Variants in PRH1 observed in about 807,000 individuals in gnomAD.
PRH1 encodes salivary acidic proline-rich phosphoprotein 1/2.
In PRH1, 7 loss-of-function variants were observed where a neutral mutation model predicts 7.9. The ratio of observed to expected loss-of-function variants is 0.89; its 90% CI spans 0.50 to 1.67. PRH1 has a LOEUF of 1.67. PRH1 is among the 40% of genes most tolerant of loss of function. PRH1 has a pLI of 0.00. For missense variants in PRH1, 109 were observed against 223.6 expected (o/e 0.49, Z 3.27); for synonymous variants, 45 against 80.8 (o/e 0.56, Z 2.38).
intron 1 of PRH1, among the ~76,000 whole-genome samples, chr12:11,099,581 C>T: frequency 6.6e-6 from 1 of 152,068 alleles, no homozygotes; most frequent in East Asian, 1.9e-4. Context: ...CCTGTAGTCC[C>T]ATCTACTCAG....
chr12:11,126,778 T>G, intron 1 of PRH1, among the ~76,000 whole-genome samples: 1 of 152,330 alleles, frequency 6.6e-6, no homozygotes, highest in East Asian at 1.9e-4. Context: ...ATATGATTAG[T>G]TAACAGTATA....
chr12:11,079,932 T>G (rs1273695432), intron 1 of PRH1, among the ~76,000 whole-genome samples: 1 of 123,722 alleles, frequency 8.1e-6, no homozygotes, highest in African/African-American at 2.8e-5. Flanking sequence ...AATTTTTATA[T>G]TATAACTAGA....
intron 1 of PRH1, among the ~76,000 whole-genome samples, chr12:10,994,364 T>C (rs1281520950): frequency 6.6e-6 from 1 of 152,210 alleles, no homozygotes; most frequent in Non-Finnish European, 1.5e-5. Flanking sequence ...TGAGCAGATA[T>C]ATTCTCCGTC....
chr12:10,948,989 C>T (rs1458531069), intron 2 of PRH1, among the ~76,000 whole-genome samples: 2 of 152,248 alleles, frequency 1.3e-5, no homozygotes, highest in Non-Finnish European at 2.9e-5. Flanking sequence ...CCCTATGTTT[C>T]CTCACAGTTG....
intron 1 of PRH1, among the ~76,000 whole-genome samples, chr12:11,080,026 A>T (rs1268641459): frequency 7.5e-6 from 1 of 134,068 alleles, no homozygotes; most frequent in Non-Finnish European, 1.7e-5. Context: ...ATGTAGGGCA[A>T]GACATGGAAC....
intron 1 of PRH1, among the ~76,000 whole-genome samples, chr12:10,992,925 T>G (rs1228446979): frequency 6.6e-6 from 1 of 152,212 alleles, no homozygotes; most frequent in Non-Finnish European, 1.5e-5. Context: ...TCGGTAATTC[T>G]CCTCTTCTGG....
intron 1 of PRH1, among the ~76,000 whole-genome samples, chr12:11,107,228 C>T (rs904882479): frequency 2.0e-5 from 3 of 152,140 alleles, no homozygotes; most frequent in Admixed American, 6.5e-5. Context: ...TCTTCAACTC[C>T]TGTTCTCAAG....
chr12:10,965,242 C>T (rs1938445655), intron 2 of PRH1: 1 of 1,478,264 alleles, frequency 6.8e-7, no homozygotes, highest in Admixed American at 1.8e-5. Context: ...TCTTTTGTCT[C>T]TTGACCCACT....
At chr12:11,056,767 G>A (rs946178374) in intron 1 of PRH1, among the ~76,000 whole-genome samples, 2 of 152,006 alleles carry the variant, frequency 1.3e-5, no homozygotes, top group South Asian at 2.1e-4. Context: ...GTAGTTAGTC[G>A]AGATCACACC....
At chr12:10,882,887 TTTC>T (rs1288791293) in intron 2 of PRH1, among the ~76,000 whole-genome samples, 171 bp downstream of exon 2, 1 of 152,142 alleles carries the variant, frequency 6.6e-6, no homozygotes, top group African/African-American at 2.4e-5. Flanking sequence ...AAAAATTGAA[TTTC>T]TTTACTCATG....
intron 2 of PRH1, among the ~76,000 whole-genome samples, chr12:10,922,367 G>A (rs909790446): frequency 2.0e-5 from 3 of 152,052 alleles, no homozygotes; most frequent in African/African-American, 4.8e-5. Flanking sequence ...AAGCTTTTTC[G>A]TTGCTGAGTT....
chr12:11,054,723 T>C (rs1417905332), intron 1 of PRH1, among the ~76,000 whole-genome samples: 1 of 151,894 alleles, frequency 6.6e-6, no homozygotes, highest in African/African-American at 2.4e-5. Context: ...TGAAATGTTA[T>C]CATAAATAAT....
Position 11,096,761 on chromosome 12 carries a change from C to A in PRH1, n.124-49573G>T, listed in dbSNP as rs1945077610. Reference sequence around the variant, plus strand: ...TCAACCACAGCTCCATCATTCTATTCCATTATTTAAATTTTATGCGGTTTT... The same window carrying A: ...TCAACCACAGCTCCATCATTCTATTACATTATTTAAATTTTATGCGGTTTT... On this transcript the variant is annotated intron_variant and non_coding_transcript_variant, in intron 1 of 4. Transcript: ENST00000541977. Among the ~76,000 whole-genome samples, 2 of 114,450 alleles carry A rather than the reference C, an allele frequency of 1.7e-5. 1 individual carries two copies. The highest frequency in any genetic ancestry group is 5.8e-5 in the African/African-American group (2 of 34,200). 75.1% of individuals were successfully genotyped at this position (114,450 alleles called of 152,430 possible). A position where few individuals can be genotyped will look rare whatever the true frequency, so the allele number is the denominator to read the frequency against.
chr12:11,008,212 T>C (rs189747675), intron 1 of PRH1, among the ~76,000 whole-genome samples: 1 of 152,204 alleles, frequency 6.6e-6, no homozygotes, highest in Admixed American at 6.6e-5. Flanking sequence ...CTACTTCAAC[T>C]CTCTAGAGTT....
intron 2 of PRH1, among the ~76,000 whole-genome samples, chr12:10,890,363 C>A (rs1949552875): frequency 6.6e-6 from 1 of 151,950 alleles, no homozygotes; most frequent in South Asian, 2.1e-4. Context: ...AGGGCCCTAT[C>A]CACAAAGTCT....
At chr12:10,923,505 T>C (rs1412097241) in intron 2 of PRH1, among the ~76,000 whole-genome samples, 7 of 152,246 alleles carry the variant, frequency 4.6e-5, no homozygotes. Flanking sequence ...TTAAATGTTA[T>C]GTGATTATTA....
intron 1 of PRH1, among the ~76,000 whole-genome samples, chr12:11,123,104 T>A (rs1229789512): frequency 6.6e-6 from 1 of 152,250 alleles, no homozygotes; most frequent in Non-Finnish European, 1.5e-5. Context: ...TCCTTATTCA[T>A]GGCTTCCTGG....
intron 2 of PRH1, among the ~76,000 whole-genome samples, chr12:10,950,839 T>C (rs1463930890): frequency 1.3e-5 from 2 of 151,988 alleles, no homozygotes; most frequent in African/African-American, 4.8e-5. Flanking sequence ...ACAAATTCTA[T>C]CATTACTAGT....
At chr12:10,967,222 C>T (rs561556370) in intron 2 of PRH1, among the ~76,000 whole-genome samples, 2 of 151,858 alleles carry the variant, frequency 1.3e-5, no homozygotes, top group Non-Finnish European at 2.9e-5. Flanking sequence ...AAAGTTCCCA[C>T]TTCAACTCTC....
Sources: allele counts gnomAD v4.1 joint callset (sites outside exome capture counted in the v4.1 genomes callset), GRCh38; gene constraint gnomAD v4.1.1; transcripts MANE v1.5; gene names NCBI Gene and HGNC (gene_info 2026-07-23, HGNC 2026-07-21).